Variants in MYO5B observed in about 807,000 individuals in gnomAD.
The protein encoded by MYO5B is myosin VB.
In MYO5B, 143 loss-of-function variants were observed where a neutral mutation model predicts 229.3. The ratio of observed to expected loss-of-function variants is 0.62; its 90% CI spans 0.54 to 0.72. The LOEUF (loss-of-function observed/expected upper bound fraction) is 0.72. MYO5B is among the 30% of genes least tolerant of loss of function. The pLI is 0.00. For missense variants in MYO5B, 2,321 were observed against 2,331.0 expected, an observed-to-expected ratio of 1.00 and a Z score of 0.09; for synonymous variants, 918 against 885.2, an observed-to-expected ratio of 1.04 and a Z score of -0.66.
intron 1 of MYO5B, among the ~76,000 whole-genome samples, chr18:50,153,818 C>G (rs1020284319): frequency 6.6e-6 from 1 of 151,994 alleles, no homozygotes; most frequent in African/African-American, 2.4e-5. Context: ...AGTGAGCGAG[C>G]GGGGATGCGA....
intron 1 of MYO5B, among the ~76,000 whole-genome samples, chr18:50,059,131 T>C (rs756013593): frequency 7.9e-5 from 12 of 152,214 alleles, no homozygotes; most frequent in Non-Finnish European, 1.3e-4. Context: ...TTGGGCATCT[T>C]TGTATCCCTA....
chr18:50,069,200 T>C (rs889050562), intron 1 of MYO5B, among the ~76,000 whole-genome samples: 2 of 152,136 alleles, frequency 1.3e-5, no homozygotes, highest in African/African-American at 2.4e-5. Flanking sequence ...ATAATAACCA[T>C]TGGATGTTTA....
chr18:50,011,918 T>C (rs1306195819), intron 4 of MYO5B, among the ~76,000 whole-genome samples: 1 of 152,030 alleles, frequency 6.6e-6, no homozygotes, highest in East Asian at 1.9e-4. Flanking sequence ...GCACGAGCTG[T>C]TCCCAGAGAC....
intron 4 of MYO5B, among the ~76,000 whole-genome samples, chr18:50,019,073 G>A (rs942539989): frequency 3.3e-5 from 5 of 152,104 alleles, no homozygotes; most frequent in Admixed American, 2.6e-4. Context: ...ATCCACCCGG[G>A]AGGCAAGACA....
intron 1 of MYO5B, among the ~76,000 whole-genome samples, chr18:50,106,946 C>T (rs1250304365): frequency 1.3e-5 from 2 of 152,096 alleles, no homozygotes; most frequent in East Asian, 1.9e-4. Flanking sequence ...ACCCACTCTG[C>T]TGCCTTCACT....
At chr18:49,984,039 C>T (rs2025844221) in intron 8 of MYO5B, among the ~76,000 whole-genome samples, 1 of 152,158 alleles carries the variant, frequency 6.6e-6, no homozygotes, top group Non-Finnish European at 1.5e-5. Context: ...ACTTCTCGAG[C>T]TTTCCTTTTT....
intron 12 of MYO5B, among the ~76,000 whole-genome samples, chr18:49,962,058 G>A (rs2025565375): frequency 6.6e-6 from 1 of 152,160 alleles, no homozygotes; most frequent in African/African-American, 2.4e-5. Flanking sequence ...ACGTTTACCA[G>A]TGTAGCAACA....
chr18:49,990,357 G>A, intron 7 of MYO5B, 82 bp downstream of exon 7: 1 of 1,178,486 alleles, frequency 8.5e-7, no homozygotes. Flanking sequence ...CCATGACGGA[G>A]GGCTTTGAGC....
chr18:49,867,662 A>G (rs1473752039), intron 27 of MYO5B, among the ~76,000 whole-genome samples: 3 of 152,206 alleles, frequency 2.0e-5, no homozygotes, highest in African/African-American at 4.8e-5. Flanking sequence ...TACAAAGTAG[A>G]TATTTCACAC....
intron 4 of MYO5B, among the ~76,000 whole-genome samples, chr18:50,001,644 A>T (rs564353491): frequency 6.6e-6 from 1 of 152,302 alleles, no homozygotes; most frequent in South Asian, 2.1e-4. Context: ...TATGGCCTAG[A>T]GCGAGAGTGG....
chr18:50,001,167 G>A lies in MYO5B; in HGVS notation c.612+88C>T, dbSNP rs530936821. 3 of 1,554,266 alleles carry A rather than the reference G, an allele frequency of 1.9e-6. No homozygotes were observed. The East Asian group carries it at 6.7e-5, about 35-fold the overall frequency. On this transcript the variant is annotated intron_variant, in intron 5 of 39. Transcript: ENST00000285039. ...GAGGGCTCTCAGGGAGAGGCGTGAA[G>A]GCTGCCACCCAGGCTTGACGCCCAG... is the stretch of plus-strand genomic sequence containing the variant.
At position 49,974,576 on chromosome 18, in the gene MYO5B, C is replaced by T; in HGVS notation, c.1096G>A (p.Gly366Arg). 6.2e-7 allele frequency: 1 copy of T among 1,614,134 alleles called. No homozygotes were observed. The highest frequency in any genetic ancestry group is 1.1e-5 in the South Asian group (1 of 91,082). Residue 366 changes from glycine to arginine, a missense_variant, in exon 10 of 40, where the codon GGG becomes AGG. Coordinates refer to ENST00000285039, the MANE Select transcript of MYO5B (RefSeq NM_001080467.3). ...VYLSNFCRLL[G>R]VEHSQMEHWL... is the part of the protein sequence containing the mutation. ...TGCTCCATCTGACTGTGCTCCACCCCTAGCAGTCGGCAGAAGTTGCTTAGG... is the reference window on the plus strand; with the variant it reads ...TGCTCCATCTGACTGTGCTCCACCCTTAGCAGTCGGCAGAAGTTGCTTAGG...
chr18:50,191,150 G>T (rs937768764), intron 1 of MYO5B, among the ~76,000 whole-genome samples: 1 of 152,168 alleles, frequency 6.6e-6, no homozygotes, highest in African/African-American at 2.4e-5. Context: ...CCATGGTTAG[G>T]CAACTACACA....
chr18:50,090,422 G>A (rs903328675), intron 1 of MYO5B, among the ~76,000 whole-genome samples: 11 of 151,672 alleles, frequency 7.3e-5, no homozygotes, highest in Admixed American at 3.3e-4. Flanking sequence ...TCATAAAAAT[G>A]CAACCATTGC....
At chr18:49,948,556 T>C (rs556815547) in intron 14 of MYO5B, among the ~76,000 whole-genome samples, 1 of 152,340 alleles carries the variant, frequency 6.6e-6, no homozygotes, top group East Asian at 1.9e-4. Flanking sequence ...GGAAGCAAAG[T>C]ACATTTGAGA....
At chr18:49,875,642 T>C (rs1374995075) in intron 26 of MYO5B, 45 bp downstream of exon 26, 1 of 1,612,730 alleles carries the variant, frequency 6.2e-7, no homozygotes, top group Non-Finnish European at 8.5e-7. Context: ...GCTAGATTGT[T>C]CTCTCATCCA....
chr18:50,047,867 C>T (rs1314942609), intron 2 of MYO5B, among the ~76,000 whole-genome samples: 1 of 140,230 alleles, frequency 7.1e-6, no homozygotes, highest in Non-Finnish European at 1.5e-5. Context: ...CATGTTCTCA[C>T]TGATAGGTAG....
chr18:49,877,717 C>T, intron 25 of MYO5B, 46 bp downstream of exon 25: 1 of 1,612,348 alleles, frequency 6.2e-7, no homozygotes, highest in Non-Finnish European at 8.5e-7. Context: ...AAAAAACACA[C>T]ACTCCCTCTG....
intron 4 of MYO5B, among the ~76,000 whole-genome samples, chr18:50,007,980 C>T (rs2026120892): frequency 6.6e-6 from 1 of 152,178 alleles, no homozygotes; most frequent in Non-Finnish European, 1.5e-5. Flanking sequence ...GATTCAAACT[C>T]AGGCTTCCAT....
Sources: allele counts gnomAD v4.1 joint callset (sites outside exome capture counted in the v4.1 genomes callset), GRCh38; gene constraint gnomAD v4.1.1; transcripts MANE v1.5; gene names NCBI Gene and HGNC (gene_info 2026-07-23, HGNC 2026-07-21).